HSPA4L: variants seen among roughly 807,000 people sequenced by gnomAD.
HSPA4L encodes the protein heat shock 70 kDa protein 4L.
Under a neutral mutation model 100.3 loss-of-function variants are expected in HSPA4L, and 48 were observed. The observed-to-expected ratio is 0.48, with a 90% CI of 0.38 to 0.61. The LOEUF (loss-of-function observed/expected upper bound fraction) is 0.61. Ranked by LOEUF, HSPA4L falls within the 20% of genes least tolerant of loss-of-function variation. HSPA4L has a pLI of 0.00. For synonymous variants in HSPA4L, 319 were observed against 328.2 expected, an observed-to-expected ratio of 0.97 and a Z score of 0.30; for missense variants, 886 against 988.6, an observed-to-expected ratio of 0.90 and a Z score of 1.39.
In HSPA4L at chr4:127,820,478, A is replaced by G; in HGVS notation, c.1725A>G (p.Gly575=). The stretch of plus-strand genomic sequence containing the variant: ...GATTAAATCAGACACTTAAAAAAGG[A>G]AAAGTCAAAAGTATTGATCTACCGA... ...QDRLNQTLKK[G]KVKSIDLPIQ... Residue 575 remains glycine, a synonymous_variant, in exon 14 of 19, where the codon GGA becomes GGG. Transcript: ENST00000296464. The G allele has an allele frequency of 6.2e-7, 1 of 1,602,898 alleles. No homozygotes were observed. The highest frequency in any genetic ancestry group is 8.5e-7 in the Non-Finnish European group (1 of 1,175,466).
At chr4:127,815,309 G>A (rs1413874689) in intron 12 of HSPA4L, among the ~76,000 whole-genome samples, 3 of 151,752 alleles carry the variant, frequency 2.0e-5, no homozygotes, top group Admixed American at 2.0e-4. Context: ...TTAATACAGG[G>A]GCATATTAAG....
In HSPA4L at chr4:127,833,007, A is replaced by G; in HGVS notation, c.*133A>G. On this transcript the variant is annotated 3_prime_UTR_variant, in exon 19 of 19. Transcript: ENST00000296464. ...TCATTTGTTTTTTGGAGTAGTTTTG[A>G]AAAGTGTTTTATATTGAGTGCACTT... 3.2e-6 allele frequency: 2 copies of G among 617,300 alleles called. No individual in the cohort carries two copies. Among genetic ancestry groups the G allele is most frequent in the Non-Finnish European group, 5.3e-6 (2 of 377,126 alleles). 38.2% of individuals were successfully genotyped at this position (617,300 alleles called of 1,614,324 possible).
chr4:127,823,610 C>T lies in HSPA4L; in HGVS notation c.2032C>T (p.Leu678Phe). The change falls in exon 16 of 19, where the codon CTT becomes TTT. Residue 678 changes from leucine to phenylalanine, a missense_variant. Leu to Phe is a conservative substitution (Grantham distance 22). Transcript: ENST00000296464. Reference protein sequence around the residue: ...DQPKQVYVDKLQELKKYGQPI... With the variant: ...DQPKQVYVDKFQELKKYGQPI... ...ACCTAAACAAGTTTATGTGGATAAG[C>T]TTCAAGAACTAAAGGTACATTTTTT... 2.5e-6 allele frequency: 4 copies of T among 1,609,164 alleles called. No individual in the cohort carries two copies. Among genetic ancestry groups the T allele is most frequent in the Non-Finnish European group, 3.4e-6 (4 of 1,175,850 alleles).
rs939681994 is a variant in HSPA4L, at chr4:127,794,278, G to GT, written c.165+151dup. ...CTACATCTTTGTTTTGTTTTGTTTT[G>GT]TTTTTTTAAGATATAATTTGCTTTG... On this transcript the variant is annotated intron_variant, in intron 2 of 18. Transcript: ENST00000296464. The GT allele has an allele frequency of 8.5e-5, 44 of 516,598 alleles. No homozygotes were observed. The South Asian group carries it at 1.6e-3, about 19-fold the overall frequency. 32.0% of individuals were successfully genotyped at this position (516,598 alleles called of 1,614,324 possible). A position where few individuals can be genotyped will look rare whatever the true frequency, so the allele number is the denominator to read the frequency against.
chr4:127,809,117 A>G (rs1309777951), intron 11 of HSPA4L: 2 of 656,748 alleles, frequency 3.0e-6, no homozygotes, highest in Non-Finnish European at 5.5e-6. Flanking sequence ...ATCCCAGGTG[A>G]TTGTGAAGTG....
intron 11 of HSPA4L, among the ~76,000 whole-genome samples, chr4:127,810,046 C>G (rs1733481211): frequency 6.6e-6 from 1 of 151,894 alleles, no homozygotes; most frequent in Non-Finnish European, 1.5e-5. Flanking sequence ...TCTTAACCAT[C>G]TTCTATAAAC....
At chr4:127,824,121 C>T (rs1733884251) in intron 16 of HSPA4L, among the ~76,000 whole-genome samples, 1 of 152,174 alleles carries the variant, frequency 6.6e-6, no homozygotes, top group Non-Finnish European at 1.5e-5. Flanking sequence ...TGGCTTATTT[C>T]ACTTAGCATA....
intron 11 of HSPA4L, among the ~76,000 whole-genome samples, chr4:127,808,661 T>TA (rs1733431723): frequency 6.6e-6 from 1 of 152,116 alleles, no homozygotes; most frequent in South Asian, 2.1e-4. Flanking sequence ...AAATGATGTA[T>TA]AAAAGGTTCT....
At chr4:127,810,765 A>C (rs577927771) in intron 11 of HSPA4L, among the ~76,000 whole-genome samples, 1 of 152,276 alleles carries the variant, frequency 6.6e-6, no homozygotes, top group African/African-American at 2.4e-5. Flanking sequence ...CTCAAAACAA[A>C]ACACACATAG....
Position 127,811,399 on chromosome 4 carries a change from G to C in HSPA4L, c.1379-38G>C, listed in dbSNP as rs374256560. ...TTCAATGAATTGAATAAGTTAATCT[G>C]AGGCTCACATACTGATTGGAGTTCT... On this transcript the variant is annotated intron_variant, in intron 11 of 18. Coordinates refer to ENST00000296464, the MANE Select transcript of HSPA4L (RefSeq NM_014278.4). 9 of 1,455,372 alleles carry C rather than the reference G, an allele frequency of 6.2e-6. No homozygotes were observed. In the African/African-American group the frequency reaches 1.3e-4, roughly 20 times the overall value. The allele number at this position is 1,455,372 out of a possible 1,614,324, so 90.2% of individuals were successfully genotyped here.
chr4:127,801,634 AT>A (rs1200472337), intron 5 of HSPA4L, 150 bp from the exon 6 acceptor site: 1 of 599,966 alleles, frequency 1.7e-6, no homozygotes, highest in Non-Finnish European at 2.7e-6. Flanking sequence ...AAGTTAAAGC[AT>A]TATTAACCGA....
chr4:127,808,798 T>G (rs1733435446), intron 11 of HSPA4L, among the ~76,000 whole-genome samples: 3 of 152,130 alleles, frequency 2.0e-5, no homozygotes. Flanking sequence ...TGGCACACAC[T>G]TGTAATCTCA....
intron 16 of HSPA4L, among the ~76,000 whole-genome samples, chr4:127,824,563 T>C (rs1733895765): frequency 1.3e-5 from 2 of 152,212 alleles, no homozygotes; most frequent in Admixed American, 6.5e-5. Context: ...ACAAGCTATA[T>C]ATTACTGGCA....
intron 3 of HSPA4L, among the ~76,000 whole-genome samples, chr4:127,796,139 A>G (rs1161716979): frequency 6.6e-6 from 1 of 152,144 alleles, no homozygotes; most frequent in Non-Finnish European, 1.5e-5. Context: ...TTGAGACTCA[A>G]GAGAATAGTT....
intron 1 of HSPA4L, among the ~76,000 whole-genome samples, chr4:127,792,330 AT>A (rs1232781543): frequency 6.6e-6 from 1 of 152,174 alleles, no homozygotes; most frequent in East Asian, 1.9e-4. Flanking sequence ...CTGAGTCCAA[AT>A]TATATTCTTC....
rs763804081 is a variant in HSPA4L at position 127,830,629 on chromosome 4, T to C, written c.2167-9T>C. 6.4e-7 allele frequency: 1 copy of C among 1,564,242 alleles called. No homozygotes were observed. Among genetic ancestry groups the C allele is most frequent in the South Asian group, 1.2e-5 (1 of 83,106 alleles). ...TTAACATGCAGTCAAGCTTTTTTTTTTTAAATAGGATGAAAGATATGATCA... is the reference window on the plus strand; with the variant it reads ...TTAACATGCAGTCAAGCTTTTTTTTCTTAAATAGGATGAAAGATATGATCA... On this transcript the variant is annotated splice_polypyrimidine_tract_variant and intron_variant, in intron 17 of 18. Coordinates refer to ENST00000296464, the MANE Select transcript of HSPA4L (RefSeq NM_014278.4).
intron 12 of HSPA4L, among the ~76,000 whole-genome samples, chr4:127,811,854 G>C (rs1217911837): frequency 6.6e-6 from 1 of 152,108 alleles, no homozygotes; most frequent in Non-Finnish European, 1.5e-5. Context: ...CTTTTTAAGA[G>C]TTTGGTGCAT....
chr4:127,822,125 A>G (rs559220808), intron 14 of HSPA4L, among the ~76,000 whole-genome samples: 56 of 152,180 alleles, frequency 3.7e-4, no homozygotes, highest in African/African-American at 1.2e-3. Flanking sequence ...ACCACTGTCT[A>G]TTTTCAAAAC....
chr4:127,804,954 C>A (rs1733309325), intron 8 of HSPA4L, 119 bp from the exon 9 acceptor site: 2 of 596,638 alleles, frequency 3.4e-6, no homozygotes, highest in Non-Finnish European at 5.8e-6. Context: ...TTGTATTTTT[C>A]TTCCCTTTTA....
Sources: allele counts gnomAD v4.1 joint callset (sites outside exome capture counted in the v4.1 genomes callset), GRCh38; gene constraint gnomAD v4.1.1; transcripts MANE v1.5; gene names NCBI Gene and HGNC (gene_info 2026-07-23, HGNC 2026-07-21).